SCUBE1: variants seen among roughly 807,000 people sequenced by gnomAD.
SCUBE1 encodes signal peptide, CUB domain and EGF like domain containing 1.
Under a neutral mutation model 124.4 loss-of-function variants are expected in SCUBE1, and 59 were observed. The observed-to-expected ratio is 0.47, with a 90% CI of 0.38 to 0.59. The LOEUF is 0.59. Among genes scored for constraint, SCUBE1 ranks in the 20% least tolerant of loss-of-function variants. The pLI is 0.00. For synonymous variants in SCUBE1, 545 were observed against 550.9 expected (o/e 0.99, Z 0.15); for missense variants, 1,150 against 1,371.2 (o/e 0.84, Z 2.55).
intron 4 of SCUBE1, among the ~76,000 whole-genome samples, chr22:43,271,950 A>G (rs1924309656): frequency 6.6e-6 from 1 of 152,120 alleles, no homozygotes; most frequent in South Asian, 2.1e-4. Flanking sequence ...ACAGATCAAG[A>G]GACTTGCCGC....
rs1920957386 is a variant in SCUBE1, at chr22:43,198,399, C to T, written c.*5598G>A. On this transcript the variant is annotated 3_prime_UTR_variant, in exon 22 of 22. Coordinates refer to ENST00000360835, the MANE Select transcript of SCUBE1 (RefSeq NM_173050.5). ...GTCTGGGCTTCAAGGATGCTTTGCC[C>T]ACACCTGATGTCCTTTCCAAGAGCA... 2 of 379,144 alleles carry T rather than the reference C, an allele frequency of 5.3e-6. No individual in the cohort carries two copies. The highest frequency in any genetic ancestry group is 3.1e-5 in the Admixed American group (1 of 32,114). The allele number at this position is 379,144 out of a possible 1,614,324, so 23.5% of individuals were successfully genotyped here. A position where few individuals can be genotyped will look rare whatever the true frequency, so the allele number is the denominator to read the frequency against.
chr22:43,229,248 C>T lies in SCUBE1; in HGVS notation c.968-60G>A, dbSNP rs758967213. 7.0e-5 allele frequency: 74 copies of T among 1,053,444 alleles called. No individual in the cohort carries two copies. The East Asian group carries it at 1.3e-3, about 18-fold the overall frequency. 65.3% of individuals were successfully genotyped at this position (1,053,444 alleles called of 1,614,324 possible). On this transcript the variant is annotated intron_variant, in intron 8 of 21. Coordinates refer to ENST00000360835, the MANE Select transcript of SCUBE1 (RefSeq NM_173050.5). ...AGTTTGAGGGAGTGGTGGGTGGGCACGGCCTGTCACTCTCAGTCACTCAAG... is the reference window on the plus strand; with the variant it reads ...AGTTTGAGGGAGTGGTGGGTGGGCATGGCCTGTCACTCTCAGTCACTCAAG...
chr22:43,310,977 C>T (rs1036828984), intron 3 of SCUBE1, among the ~76,000 whole-genome samples: 1 of 152,076 alleles, frequency 6.6e-6, no homozygotes, highest in African/African-American at 2.4e-5. Context: ...TGGGGTCTTG[C>T]TATGTTGCCT....
intron 3 of SCUBE1, among the ~76,000 whole-genome samples, chr22:43,308,390 A>G (rs1394607013): frequency 6.6e-6 from 1 of 152,242 alleles, no homozygotes; most frequent in Non-Finnish European, 1.5e-5. Context: ...TCTTGAGTTT[A>G]CTTTAGAAAA....
rs767723207 is a variant in SCUBE1 at position 43,227,406 on chromosome 22, C to T, written c.1175G>A (p.Arg392Lys). 3.1e-6 allele frequency: 5 copies of T among 1,612,282 alleles called. No individual in the cohort carries two copies. The East Asian group carries it at 1.1e-4, about 36-fold the overall frequency. Residue 392 changes from arginine (R) to lysine (K), a missense_variant, in exon 10 of 22, where the codon AGG (arginine) becomes AAG (lysine). Physicochemically the swap from Arg to Lys is conservative, Grantham distance 26 (BLOSUM62 2). This residue lies in a region of SCUBE1 where 757 missense variants were observed against 840.9 expected (regional missense o/e 0.90). Coordinates refer to ENST00000360835, the MANE Select transcript of SCUBE1 (RefSeq NM_173050.5). ...GSYECVCPPG[R>K]RLHWNGKDCV... ...ATCCTTCCCGTTCCAGTGGAGCCGC[C>T]TCCCCGGGGGACAGACGCACTCGTA...
At chr22:43,265,197 A>C (rs541585704) in intron 4 of SCUBE1, among the ~76,000 whole-genome samples, 6 of 152,294 alleles carry the variant, frequency 3.9e-5, no homozygotes, top group Admixed American at 3.9e-4. Context: ...GAGGTCTTTC[A>C]GTTTTCTCCC....
chr22:43,251,716 C>G (rs1237932521), intron 6 of SCUBE1, among the ~76,000 whole-genome samples: 2 of 152,328 alleles, frequency 1.3e-5, no homozygotes, highest in African/African-American at 4.8e-5. Context: ...CCGACATCTT[C>G]AATTTAGCCC....
chr22:43,223,302 G>C, intron 10 of SCUBE1, 86 bp from the exon 11 acceptor site: 1 of 1,432,380 alleles, frequency 7.0e-7, no homozygotes, highest in Non-Finnish European at 9.3e-7. Context: ...TGGCCTAATG[G>C]GGACTCCCCC....
At chr22:43,265,060 T>C (rs1299636372) in intron 4 of SCUBE1, among the ~76,000 whole-genome samples, 1 of 152,208 alleles carries the variant, frequency 6.6e-6, no homozygotes. Context: ...GAAAGGGAGA[T>C]TGAATTTCCA....
chr22:43,292,066 C>T (rs73424023), intron 3 of SCUBE1, among the ~76,000 whole-genome samples: 10 of 152,246 alleles, frequency 6.6e-5, no homozygotes, highest in African/African-American at 1.7e-4. Flanking sequence ...TGCAACCCCA[C>T]GAGCCCCGTC....
chr22:43,270,789 T>C (rs1440547046), intron 4 of SCUBE1, among the ~76,000 whole-genome samples: 3 of 152,192 alleles, frequency 2.0e-5, no homozygotes, highest in Non-Finnish European at 2.9e-5. Context: ...GAGGGAACTT[T>C]CTAGTGCATA....
chr22:43,300,427 TG>T (rs1925728425), intron 3 of SCUBE1, among the ~76,000 whole-genome samples: 1 of 152,100 alleles, frequency 6.6e-6, no homozygotes. Context: ...TGTATGGCCC[TG>T]GGATACAGCG....
At chr22:43,340,141 C>T (rs1927261757) in intron 1 of SCUBE1, among the ~76,000 whole-genome samples, 1 of 151,814 alleles carries the variant, frequency 6.6e-6, no homozygotes, top group Non-Finnish European at 1.5e-5. Context: ...CTGCCCCTAG[C>T]CTGTGGAAAC....
Position 43,200,217 on chromosome 22 carries a change from A to G in SCUBE1, c.*3780T>C, listed in dbSNP as rs1406554348. On this transcript the variant is annotated 3_prime_UTR_variant, in exon 22 of 22. Transcript: ENST00000360835. ...GGCGCCTCCGTCCCGGCCAGATGGC[A>G]GTGCAGGGACTCCCAGCAGCCCGCT... 6.6e-6 allele frequency: 1 copy of G among 152,294 alleles called. No individual in the cohort carries two copies. Among genetic ancestry groups the G allele is most frequent in the Non-Finnish European group, 1.5e-5 (1 of 68,102 alleles). The allele number at this position is 152,294 out of a possible 1,614,324, so 9.4% of individuals were successfully genotyped here. A position where few individuals can be genotyped will look rare whatever the true frequency, so the allele number is the denominator to read the frequency against.
Position 43,222,699 on chromosome 22 carries a change from C to T in SCUBE1, c.1371G>A (p.Pro457=), listed in dbSNP as rs375115729. The part of the protein sequence containing the change: ...SYVLSCGVPG[P]QGKALQKRNG... ...TGCGTTTCTGCAGCGCCTTGCCCTG[C>T]GGCCCTGGAACTCCGCAGCTCAGGA... The change falls in exon 12 of 22, where the codon CCG becomes CCA. Residue 457 remains proline, a synonymous_variant. Coordinates refer to ENST00000360835, the MANE Select transcript of SCUBE1 (RefSeq NM_173050.5). 69 of 1,606,488 alleles carry T rather than the reference C, an allele frequency of 4.3e-5. No homozygotes were observed. Among genetic ancestry groups the T allele is most frequent in the Middle Eastern group, 1.7e-4 (1 of 6,050 alleles).
chr22:43,246,202 C>T (rs928677749), intron 6 of SCUBE1, among the ~76,000 whole-genome samples: 1 of 152,170 alleles, frequency 6.6e-6, no homozygotes, highest in Non-Finnish European at 1.5e-5. Flanking sequence ...CCCTGCCCTG[C>T]CTCCTTCACT....
rs1368416061 is a variant in SCUBE1, at chr22:43,201,233, G to A, written c.*2764C>T. 1.1e-4 allele frequency: 17 copies of A among 148,136 alleles called. No homozygotes were observed. Among genetic ancestry groups the A allele is most frequent in the African/African-American group, 3.8e-4 (15 of 39,988 alleles). 9.2% of individuals were successfully genotyped at this position (148,136 alleles called of 1,614,324 possible). On this transcript the variant is annotated 3_prime_UTR_variant, in exon 22 of 22. Transcript: ENST00000360835. Reference sequence around the variant, plus strand: ...GCAGGAGAATGGCGTGAACCCGGGAGGCGGAGCTTGCAGTGAACCAAGATC... The same window carrying A: ...GCAGGAGAATGGCGTGAACCCGGGAAGCGGAGCTTGCAGTGAACCAAGATC...
rs190902255 is a variant in SCUBE1, at chr22:43,281,446, C to T, written c.484+9600G>A. Among the ~76,000 whole-genome samples, 136 of 65,086 alleles carry T rather than the reference C, an allele frequency of 2.1e-3. 5 individuals are homozygous for T. Among genetic ancestry groups the T allele is most frequent in the East Asian group, 0.013 (4 of 298 alleles). 42.7% of individuals were successfully genotyped at this position (65,086 alleles called of 152,430 possible). A position where few individuals can be genotyped will look rare whatever the true frequency, so the allele number is the denominator to read the frequency against. ...TCCTGTCACCTCCCTTGGCCACCCT[C>T]CTGTCATCTCCCTCAGCCACCCTCC... On this transcript the variant is annotated intron_variant, in intron 4 of 21. Transcript: ENST00000360835.
At chr22:43,272,605 C>T (rs1366250134) in intron 4 of SCUBE1, 1 of 152,268 alleles carries the variant, frequency 6.6e-6, no homozygotes, top group Non-Finnish European at 1.5e-5. Context: ...CCAGCCCGCT[C>T]CTTGTCTGCG....
Sources: gnomAD v4.1 joint callset for allele counts (sites outside exome capture counted in the v4.1 genomes callset) on GRCh38, gnomAD v4.1.1 for gene constraint, gnomAD v4.1.1 regional missense constraint, MANE v1.5 for transcripts, NCBI Gene and HGNC (gene_info 2026-07-23, HGNC 2026-07-21) for gene names.